SLC25A21: variants seen among roughly 807,000 people sequenced by gnomAD.
SLC25A21 encodes mitochondrial 2-oxodicarboxylate carrier.
Under a neutral mutation model 43.8 loss-of-function variants are expected in SLC25A21, and 47 were observed. The observed-to-expected ratio is 1.07, with a 90% CI of 0.85 to 1.37. The LOEUF is 1.37. SLC25A21 is among the 40% of genes most tolerant of loss of function. The pLI, the probability that SLC25A21 is intolerant of heterozygous loss-of-function variation, is 0.00. For synonymous variants in SLC25A21, 131 were observed against 121.3 expected (o/e 1.08, Z -0.52); for missense variants, 352 against 350.2 (o/e 1.00, Z -0.04).
chr14:36,689,441 C>G (rs1010359914), intron 7 of SLC25A21, among the ~76,000 whole-genome samples: 2 of 152,132 alleles, frequency 1.3e-5, no homozygotes, highest in African/African-American at 4.8e-5. Flanking sequence ...TTTTATTAGG[C>G]TTGTAAAAGC....
chr14:36,983,190 G>A (rs2138702479), intron 1 of SLC25A21, among the ~76,000 whole-genome samples: 1 of 152,298 alleles, frequency 6.6e-6, no homozygotes, highest in East Asian at 1.9e-4. Context: ...GTTCTAGATA[G>A]CATACACTTA....
intron 1 of SLC25A21, among the ~76,000 whole-genome samples, chr14:36,903,456 A>G (rs560863332): frequency 6.6e-6 from 1 of 151,854 alleles, no homozygotes; most frequent in South Asian, 2.1e-4. Context: ...TACTAAAAAT[A>G]CAAAAAATTA....
At position 36,809,736 on chromosome 14, in the gene SLC25A21, C is replaced by T. The variant is rs1166602163; in HGVS notation, c.203+4182G>A. Among the ~76,000 whole-genome samples, 7 of 152,240 alleles carry T rather than the reference C, an allele frequency of 4.6e-5. No individual in the cohort carries two copies. In the East Asian group the frequency reaches 1.4e-3, roughly 29 times the overall value. On this transcript the variant is annotated intron_variant, in intron 3 of 9. Coordinates refer to ENST00000331299, the MANE Select transcript of SLC25A21 (RefSeq NM_030631.4). The stretch of plus-strand genomic sequence containing the variant: ...AATGTTTTTAAATAAAAGAAAAGGA[C>T]AAGCTCTCAAAACCTTTAACTTAGA...
chr14:36,821,673 C>T (rs533570918), intron 2 of SLC25A21, among the ~76,000 whole-genome samples: 8 of 151,918 alleles, frequency 5.3e-5, no homozygotes, highest in Non-Finnish European at 7.4e-5. Context: ...GAAAATTAGC[C>T]GGGCGTGGTG....
At chr14:36,783,048 G>A (rs1887127939) in intron 3 of SLC25A21, among the ~76,000 whole-genome samples, 1 of 151,888 alleles carries the variant, frequency 6.6e-6, no homozygotes, top group South Asian at 2.1e-4. Flanking sequence ...CCTTGATCCT[G>A]CAAAGCCATG....
intron 3 of SLC25A21, among the ~76,000 whole-genome samples, chr14:36,747,699 T>C (rs1349284938): frequency 1.3e-5 from 2 of 152,182 alleles, no homozygotes; most frequent in Admixed American, 6.5e-5. Flanking sequence ...TAATTCACAT[T>C]TGGAAGTGCA....
intron 1 of SLC25A21, among the ~76,000 whole-genome samples, chr14:36,936,346 A>C: frequency 7.0e-6 from 1 of 142,994 alleles, no homozygotes; most frequent in African/African-American, 2.6e-5. Flanking sequence ...CCCTCCCACC[A>C]CCCCTCTCCA....
intron 3 of SLC25A21, among the ~76,000 whole-genome samples, chr14:36,745,799 G>C (rs964272824): frequency 1.3e-5 from 2 of 152,016 alleles, no homozygotes; most frequent in African/African-American, 4.8e-5. Context: ...TAAGTTGCAC[G>C]AATAGGCATT....
At chr14:37,000,499 C>G (rs1220879480) in intron 1 of SLC25A21, among the ~76,000 whole-genome samples, 2 of 152,166 alleles carry the variant, frequency 1.3e-5, no homozygotes. Flanking sequence ...TTGCTGTCCT[C>G]TGATACATCC....
chr14:37,027,775 G>C (rs943060506), intron 1 of SLC25A21, among the ~76,000 whole-genome samples: 9 of 152,252 alleles, frequency 5.9e-5, no homozygotes, highest in African/African-American at 1.7e-4. Flanking sequence ...TCTGATTTAG[G>C]TTAAGTAATT....
chr14:37,142,347 C>T (rs1594814255), intron 1 of SLC25A21, among the ~76,000 whole-genome samples: 1 of 152,086 alleles, frequency 6.6e-6, no homozygotes, highest in South Asian at 2.1e-4. Context: ...AGGTAGAAAC[C>T]ATGCCATAAA....
chr14:37,084,765 G>T (rs1424785846), intron 1 of SLC25A21, among the ~76,000 whole-genome samples: 1 of 152,072 alleles, frequency 6.6e-6, no homozygotes, highest in Non-Finnish European at 1.5e-5. Flanking sequence ...AGTTGCTATA[G>T]ACTACATAAA....
chr14:37,044,991 C>T (rs1396794919), intron 1 of SLC25A21, among the ~76,000 whole-genome samples: 2 of 152,108 alleles, frequency 1.3e-5, no homozygotes, highest in East Asian at 3.9e-4. Flanking sequence ...AATGTAAAAA[C>T]ATTTTCTTTT....
At chr14:36,919,630 TC>T in intron 1 of SLC25A21, among the ~76,000 whole-genome samples, 1 of 134,928 alleles carries the variant, frequency 7.4e-6, no homozygotes. Context: ...TACCTATCTA[TC>T]TATCTATCTA....
At chr14:37,111,873 T>C (rs140200593) in intron 1 of SLC25A21, among the ~76,000 whole-genome samples, 1 of 152,318 alleles carries the variant, frequency 6.6e-6, no homozygotes, top group African/African-American at 2.4e-5. Context: ...ATGAAAGACT[T>C]TTCTAATGGA....
At chr14:36,936,557 C>A (rs1892429652) in intron 1 of SLC25A21, among the ~76,000 whole-genome samples, 1 of 152,154 alleles carries the variant, frequency 6.6e-6, no homozygotes, top group Non-Finnish European at 1.5e-5. Flanking sequence ...CAGACCAGAA[C>A]CTCTCAGAAT....
intron 1 of SLC25A21, among the ~76,000 whole-genome samples, chr14:37,149,142 G>GTT (rs142665911): frequency 6.6e-6 from 1 of 150,862 alleles, no homozygotes; most frequent in African/African-American, 2.4e-5. Flanking sequence ...TATCACCACT[G>GTT]TTTTTTTTTA....
chr14:36,990,605 G>A (rs922130480), intron 1 of SLC25A21, among the ~76,000 whole-genome samples: 5 of 152,190 alleles, frequency 3.3e-5, no homozygotes, highest in East Asian at 1.9e-4. Flanking sequence ...GGCCAGGTGC[G>A]GTGGCATACA....
intron 1 of SLC25A21, among the ~76,000 whole-genome samples, chr14:37,153,723 T>C (rs1431671644): frequency 6.6e-6 from 1 of 152,174 alleles, no homozygotes; most frequent in Non-Finnish European, 1.5e-5. Context: ...CTAAGGATCA[T>C]CCTGGCCACC....
Sources: allele counts gnomAD v4.1 joint callset (sites outside exome capture counted in the v4.1 genomes callset), GRCh38; gene constraint gnomAD v4.1.1; transcripts MANE v1.5; gene names NCBI Gene and HGNC (gene_info 2026-07-23, HGNC 2026-07-21).